PAQR8: variants seen among roughly 807,000 people sequenced by gnomAD.
PAQR8 encodes the protein membrane progestin receptor beta.
A neutral mutation model predicts 25.2 loss-of-function variants in PAQR8; 17 were observed. The observed-to-expected ratio is 0.67, with a 90% confidence interval of 0.46 to 1.01. The LOEUF is 1.01. PAQR8 is among the 50% of genes least tolerant of loss of function. The probability of loss-of-function intolerance (pLI) is 0.00; values close to 1 mark genes in which losing one functional copy is unlikely to be tolerated. For missense variants in PAQR8, 392 were observed against 448.4 expected (o/e 0.87, Z 1.14); for synonymous variants, 204 against 190.6 (o/e 1.07, Z -0.58).
chr6:52,401,466 A>G (rs1763828840), intron 1 of PAQR8, among the ~76,000 whole-genome samples: 1 of 152,240 alleles, frequency 6.6e-6, no homozygotes, highest in South Asian at 2.1e-4. Flanking sequence ...TTTATGAAAT[A>G]ATTGCTGTAT....
Position 52,404,044 on chromosome 6 carries a change from C to T in PAQR8, c.831C>T (p.Ile277=), listed in dbSNP as rs34615735. The T allele has an allele frequency of 2.9e-4, 465 of 1,614,202 alleles. No individual in the cohort carries two copies. In the African/African-American group the frequency reaches 5.2e-3, roughly 18 times the overall value. Residue 277 remains isoleucine (I), a synonymous_variant, in exon 2 of 2, where the codon ATC becomes ATT. Coordinates refer to ENST00000442253, the MANE Select transcript of PAQR8 (RefSeq NM_133367.5). ...AGTACTTCCCGGGTTCCTGTGACAT[C>T]GTGGGCCATGGGCATCAGATCTTCC... ...PEKYFPGSCD[I]VGHGHQIFHA... is the part of the protein sequence containing the mutation.
chr6:52,363,268 T>G (rs1289481834), intron 1 of PAQR8, among the ~76,000 whole-genome samples: 1 of 152,172 alleles, frequency 6.6e-6, no homozygotes, highest in Admixed American at 6.5e-5. Flanking sequence ...CTCCAGGCAC[T>G]GGCAGACTAG....
rs1431714238 is a variant in PAQR8, at chr6:52,407,107, A to T, written c.*2829A>T. On this transcript the variant is annotated 3_prime_UTR_variant, in exon 2 of 2. Coordinates refer to ENST00000442253, the MANE Select transcript of PAQR8 (RefSeq NM_133367.5). ...TATAAAGGAGATGGCTTATTCAACC[A>T]TAGCCCCTCCAACATATCTACTGGA... is the stretch of plus-strand genomic sequence containing the variant. 6.0e-6 allele frequency: 1 copy of T among 166,996 alleles called. No homozygotes were observed. Among genetic ancestry groups the T allele is most frequent in the Non-Finnish European group, 1.5e-5 (1 of 68,126 alleles). The allele number at this position is 166,996 out of a possible 1,614,324, so 10.3% of individuals were successfully genotyped here.
chr6:52,403,173 T>G lies in PAQR8; in HGVS notation c.-41T>G. The G allele has an allele frequency of 6.5e-7, 1 of 1,548,302 alleles. No individual in the cohort carries two copies. Among genetic ancestry groups the G allele is most frequent in the Middle Eastern group, 1.9e-4 (1 of 5,274 alleles). On this transcript the variant is annotated 5_prime_UTR_variant, in exon 2 of 2. Coordinates refer to ENST00000442253, the MANE Select transcript of PAQR8 (RefSeq NM_133367.5). ...TTTCTTTTCTGCAGGTTGCATACCCTGTCCTGAGGGCGCGGCACGGAGTGC... is the reference window on the plus strand; with the variant it reads ...TTTCTTTTCTGCAGGTTGCATACCCGGTCCTGAGGGCGCGGCACGGAGTGC...
In PAQR8 at chr6:52,404,224, C is replaced by G. The variant is rs747152836; in HGVS notation, c.1011C>G (p.Thr337=). The change falls in exon 2 of 2, where the codon ACC becomes ACG. Residue 337 remains threonine, a synonymous_variant. Transcript: ENST00000442253. ...FFFLAACSAA[T]AALLRHKVKA... ...TCCTGGCTGCCTGCAGTGCTGCCAC[C>G]GCAGCCCTTCTGAGGCACAAAGTCA... is the stretch of plus-strand genomic sequence containing the variant. 3 of 1,613,014 alleles carry G rather than the reference C, an allele frequency of 1.9e-6. No individual in the cohort carries two copies. In the East Asian group the frequency reaches 6.7e-5, roughly 36 times the overall value.
chr6:52,369,585 G>A (rs1371593412), intron 1 of PAQR8, among the ~76,000 whole-genome samples: 2 of 152,126 alleles, frequency 1.3e-5, no homozygotes, highest in Admixed American at 6.6e-5. Context: ...ACAAAACCAG[G>A]CGAAGATGGA....
intron 1 of PAQR8, among the ~76,000 whole-genome samples, chr6:52,384,360 G>A (rs1763604815): frequency 6.6e-6 from 1 of 152,172 alleles, no homozygotes; most frequent in Non-Finnish European, 1.5e-5. Context: ...TGTAATCAAG[G>A]TGGGGCCAGG....
intron 1 of PAQR8, among the ~76,000 whole-genome samples, chr6:52,371,760 C>G (rs1488927911): frequency 6.6e-6 from 1 of 152,168 alleles, no homozygotes; most frequent in Non-Finnish European, 1.5e-5. Flanking sequence ...GTGCAATGTA[C>G]TTTACTTGCA....
intron 1 of PAQR8, among the ~76,000 whole-genome samples, chr6:52,373,220 TGAAA>T (rs1314719240): frequency 1.3e-5 from 2 of 152,204 alleles, no homozygotes; most frequent in Non-Finnish European, 2.9e-5. Flanking sequence ...AAGGCCCGTC[TGAAA>T]GAAAGAAAGG....
chr6:52,371,418 T>A (rs570226355), intron 1 of PAQR8, among the ~76,000 whole-genome samples: 1 of 152,054 alleles, frequency 6.6e-6, no homozygotes, highest in Non-Finnish European at 1.5e-5. Flanking sequence ...TTACTGTCTA[T>A]AAAAGAAGCA....
chr6:52,378,647 T>A (rs1468356681), intron 1 of PAQR8, among the ~76,000 whole-genome samples: 1 of 151,800 alleles, frequency 6.6e-6, no homozygotes, highest in African/African-American at 2.4e-5. Context: ...AAAAATTAGC[T>A]GGGCGTGGTG....
rs546343364 is a variant in PAQR8 at position 52,405,808 on chromosome 6, C to T, written c.*1530C>T. The stretch of plus-strand genomic sequence containing the variant: ...TGCCTTATAAATGGAAATGTATGAA[C>T]ACAATATATGCTCATGTAGAATTTT... On this transcript the variant is annotated 3_prime_UTR_variant, in exon 2 of 2. Transcript: ENST00000442253. The T allele has an allele frequency of 2.4e-5, 4 of 167,094 alleles. No homozygotes were observed. In the East Asian group the frequency reaches 7.7e-4, roughly 32 times the overall value. 10.4% of individuals were successfully genotyped at this position (167,094 alleles called of 1,614,324 possible).
At position 52,403,187 on chromosome 6, in the gene PAQR8, GGCACGGAGTGCATGCGGGCCGCT is replaced by G. The variant is rs1763856691; in HGVS notation, c.-24_-2del. On this transcript the variant is annotated 5_prime_UTR_variant, in exon 2 of 2. The change abolishes an upstream ATG in the 5' untranslated region. Transcript: ENST00000442253. ...GTTGCATACCCTGTCCTGAGGGCGCGGCACGGAGTGCATGCGGGCCGCTGCCATGACGACCGCCATCTTGGAGC... is the reference window on the plus strand; with the variant it reads ...GTTGCATACCCTGTCCTGAGGGCGCGGCCATGACGACCGCCATCTTGGAGC... The G allele has an allele frequency of 1.3e-6, 2 of 1,574,734 alleles. No individual in the cohort carries two copies. Among genetic ancestry groups the G allele is most frequent in the African/African-American group, 1.3e-5 (1 of 74,132 alleles).
chr6:52,385,293 C>T (rs1271178788), intron 1 of PAQR8, among the ~76,000 whole-genome samples: 1 of 152,192 alleles, frequency 6.6e-6, no homozygotes, highest in Non-Finnish European at 1.5e-5. Flanking sequence ...CTTTTCTCTT[C>T]CATCGTCTTC....
chr6:52,396,542 A>C (rs911811367), intron 1 of PAQR8, among the ~76,000 whole-genome samples: 1 of 152,160 alleles, frequency 6.6e-6, no homozygotes, highest in Non-Finnish European at 1.5e-5. Context: ...AGGGAATGAT[A>C]ATCAGATTTC....
chr6:52,372,603 CTT>C (rs1287183891), intron 1 of PAQR8, among the ~76,000 whole-genome samples: 3 of 151,948 alleles, frequency 2.0e-5, no homozygotes, highest in Admixed American at 6.6e-5. Context: ...TTCTCTCTCT[CTT>C]TCTTTCTCTC....
intron 1 of PAQR8, among the ~76,000 whole-genome samples, chr6:52,368,571 T>C (rs1763381814): frequency 6.6e-6 from 1 of 152,258 alleles, no homozygotes; most frequent in South Asian, 2.1e-4. Flanking sequence ...ATATGTTGGC[T>C]TCTAATTGGT....
At chr6:52,373,761 G>A (rs1383586246) in intron 1 of PAQR8, 1 of 149,348 alleles carries the variant, frequency 6.7e-6, no homozygotes, top group Non-Finnish European at 1.5e-5. Flanking sequence ...TTCCTCAGAT[G>A]TGTCCACTTG....
chr6:52,401,740 A>C (rs1035079596), intron 1 of PAQR8, among the ~76,000 whole-genome samples: 2 of 152,160 alleles, frequency 1.3e-5, no homozygotes, highest in African/African-American at 4.8e-5. Flanking sequence ...CTTAAATATG[A>C]GGCTTAGTCA....
Sources: gnomAD v4.1 joint callset for allele counts (sites outside exome capture counted in the v4.1 genomes callset) on GRCh38, gnomAD v4.1.1 for gene constraint, MANE v1.5 for transcripts, NCBI Gene and HGNC (gene_info 2026-07-23, HGNC 2026-07-21) for gene names.